Variants in ZSWIM4 observed in about 807,000 individuals in gnomAD.
ZSWIM4 encodes zinc finger SWIM-type containing 4.
Under a neutral mutation model 102.5 loss-of-function variants are expected in ZSWIM4, and 62 were observed. That is an observed-to-expected ratio of 0.60 (90% confidence interval 0.49 to 0.75). The LOEUF (loss-of-function observed/expected upper bound fraction) is 0.75, where lower values mean the gene tolerates loss of function less well. Among genes scored for constraint, ZSWIM4 ranks in the 30% least tolerant of loss-of-function variants. The pLI is 0.00. For synonymous variants in ZSWIM4, 652 were observed against 674.5 expected (o/e 0.97, Z 0.52); for missense variants, 1,280 against 1,529.6 (o/e 0.84, Z 2.72).
In ZSWIM4 at chr19:13,809,141, G is replaced by T. The variant is rs750790151; in HGVS notation, c.933G>T (p.Leu311=). 10 of 1,613,690 alleles carry T rather than the reference G, an allele frequency of 6.2e-6. No individual in the cohort carries two copies. The East Asian group carries it at 2.0e-4, about 32-fold the overall frequency. The change falls in exon 5 of 14, where the codon CTG becomes CTT. Residue 311 remains leucine (L), a synonymous_variant. Coordinates refer to ENST00000590508, the MANE Select transcript of ZSWIM4 (RefSeq NM_001367834.3). This position sits in a 1 kb window ranked among gnomAD's most constrained non-coding sequence, Gnocchi z 4.2. ...RMLILMTEQF[L]QDTRLALWRQ... The stretch of plus-strand genomic sequence containing the variant: ...TGATTCTCATGACCGAGCAGTTCCT[G>T]CAGGACACGCGCCTGGCCCTGTGGC...
rs767209778 is a variant in ZSWIM4, at chr19:13,830,510, C to A, written c.2781C>A (p.Arg927=). ...ACGCCCACCTCTTCACTGTGGCCCG[C>A]TATATGGAGCACCGCGGGCTGCCGC... ...LGHAHLFTVA[R]YMEHRGLPLR... Residue 927 remains arginine (R), a synonymous_variant, in exon 14 of 14, where the codon CGC becomes CGA. Transcript: ENST00000590508. The A allele has an allele frequency of 6.2e-7, 1 of 1,600,136 alleles. No individual in the cohort carries two copies. Among genetic ancestry groups the A allele is most frequent in the East Asian group, 2.2e-5 (1 of 44,856 alleles).
At chr19:13,814,908 G>A in intron 7 of ZSWIM4, 43 bp downstream of exon 7, 1 of 1,145,668 alleles carries the variant, frequency 8.7e-7, no homozygotes. Flanking sequence ...TGTGATCCCA[G>A]CACATTGGGA....
At chr19:13,813,201 C>T in intron 6 of ZSWIM4, 37 bp downstream of exon 6, 1 of 1,538,270 alleles carries the variant, frequency 6.5e-7, no homozygotes, top group Non-Finnish European at 8.9e-7. Flanking sequence ...CCCCCAAAAA[C>T]CATCACCACT....
chr19:13,825,198 C>A lies in ZSWIM4; in HGVS notation c.2216-352C>A, dbSNP rs1010594852. ...GGGATTACAGGCACCCGCCACCATG[C>A]CCAGCTAATTTTTGTAGATGGGGTT... On this transcript the variant is annotated intron_variant, in intron 11 of 13. Coordinates refer to ENST00000590508, the MANE Select transcript of ZSWIM4 (RefSeq NM_001367834.3). The surrounding 1 kb of genome is among the most constrained non-coding windows in gnomAD (Gnocchi z 4.6). Among the ~76,000 whole-genome samples, 4 of 152,074 alleles carry A rather than the reference C, an allele frequency of 2.6e-5. No individual in the cohort carries two copies. The highest frequency in any genetic ancestry group is 4.8e-5 in the African/African-American group (2 of 41,408).
rs111409282 is a variant in ZSWIM4 at position 13,828,770 on chromosome 19, G to A, written c.2461+44G>A. On this transcript the variant is annotated intron_variant, in intron 13 of 13. Coordinates refer to ENST00000590508, the MANE Select transcript of ZSWIM4 (RefSeq NM_001367834.3). ...ACCTGCCACCCACTTCGCTGTTCTG[G>A]TTCTGCAGAGCGCACTGAGAGAACC... 6.3e-5 allele frequency: 99 copies of A among 1,576,050 alleles called. 2 individuals are homozygous for A. In the African/African-American group the frequency reaches 7.0e-4, roughly 11 times the overall value.
In ZSWIM4 at chr19:13,830,352, C is replaced by G. The variant is rs1411062215; in HGVS notation, c.2623C>G (p.Leu875Val). The change falls in exon 14 of 14, where the codon CTG (leucine) becomes GTG (valine). Residue 875 changes from leucine (L) to valine (V), a missense_variant. Transcript: ENST00000590508. Reference sequence around the variant, plus strand: ...GGAGCTCTGGGCCTGCGCCCGCACCCTGGCCTTGCAGTGCGCGATGAAGGA... The same window carrying G: ...GGAGCTCTGGGCCTGCGCCCGCACCGTGGCCTTGCAGTGCGCGATGAAGGA... ...REELWACART[L>V]ALQCAMKDPQ... The G allele has an allele frequency of 1.2e-6, 2 of 1,613,206 alleles. No homozygotes were observed. The highest frequency in any genetic ancestry group is 2.2e-5 in the South Asian group (2 of 91,090).
rs1188494930 is a variant in ZSWIM4 at position 13,800,576 on chromosome 19, A to G, written c.355+655A>G. Among the ~76,000 whole-genome samples, 3 of 132,124 alleles carry G rather than the reference A, an allele frequency of 2.3e-5. No individual in the cohort carries two copies. In the South Asian group the frequency reaches 7.2e-4, roughly 32 times the overall value. The allele number at this position is 132,124 out of a possible 152,430, so 86.7% of individuals were successfully genotyped here. ...CACCGCTCCCGGCCCCATTTTTTGT[A>G]TTTTGTATTTTTAGTAGAGATGGGG... On this transcript the variant is annotated intron_variant, in intron 2 of 13. Coordinates refer to ENST00000590508, the MANE Select transcript of ZSWIM4 (RefSeq NM_001367834.3).
chr19:13,805,142 G>A lies in ZSWIM4; in HGVS notation c.706G>A (p.Val236Met). Residue 236 changes from valine (V) to methionine (M), a missense_variant, in exon 3 of 14, where the codon GTG becomes ATG. Transcript: ENST00000590508. Reference sequence around the variant, plus strand: ...CCTGCTGGGCTCCGAGATCAACTTGGTGAATGGTAAGGGCACCCCGGGGGT... The same window carrying A: ...CCTGCTGGGCTCCGAGATCAACTTGATGAATGGTAAGGGCACCCCGGGGGT... ...ILLLGSEINL[V>M]NGAPDPTAGA... 1.3e-6 allele frequency: 2 copies of A among 1,597,174 alleles called. No individual in the cohort carries two copies. The highest frequency in any genetic ancestry group is 2.2e-5 in the South Asian group (2 of 91,042).
chr19:13,817,583 C>T (rs1205012677), intron 8 of ZSWIM4, 139 bp from the exon 9 acceptor site: 17 of 1,190,928 alleles, frequency 1.4e-5, no homozygotes, highest in Admixed American at 2.8e-5. Flanking sequence ...CGCGCTCCCC[C>T]AACCCCGTGA....
Position 13,814,697 on chromosome 19 carries a change from G to T in ZSWIM4, c.1363G>T (p.Gly455Cys). 2 of 1,287,022 alleles carry T rather than the reference G, an allele frequency of 1.6e-6. No individual in the cohort carries two copies. Among genetic ancestry groups the T allele is most frequent in the Non-Finnish European group, 2.0e-6 (2 of 986,928 alleles). The allele number at this position is 1,287,022 out of a possible 1,614,324, so 79.7% of individuals were successfully genotyped here. Residue 455 changes from glycine (G) to cysteine (C), a missense_variant, in exon 7 of 14, where the codon GGC becomes TGC. Physicochemically the swap from Gly to Cys is radical, Grantham distance 159. Transcript: ENST00000590508. ...GGACAAACCGACTTTCGACCCCCAG[G>T]GCCGCCCACTGTGGCTGGGAGAACC... ...GGDKPTFDPQ[G>C]RPLWLGEPFP...
chr19:13,797,969 G>A (rs1260806520), intron 1 of ZSWIM4, among the ~76,000 whole-genome samples: 1 of 152,196 alleles, frequency 6.6e-6, no homozygotes, highest in Non-Finnish European at 1.5e-5. Context: ...ATCTTATAAT[G>A]TTTTAAGAAA....
intron 3 of ZSWIM4, among the ~76,000 whole-genome samples, 196 bp downstream of exon 3, chr19:13,805,344 T>A (rs1265693142): frequency 2.0e-5 from 3 of 151,894 alleles, no homozygotes; most frequent in Non-Finnish European, 4.4e-5. Flanking sequence ...ACAGGACAGA[T>A]GAGTAGTTGC....
intron 12 of ZSWIM4, 34 bp from the exon 13 acceptor site, chr19:13,828,611 G>A (rs1237053404): frequency 2.5e-6 from 4 of 1,610,922 alleles, no homozygotes; most frequent in Non-Finnish European, 3.4e-6. Context: ...CCAAGACTCA[G>A]GCTAACCCCC....
chr19:13,829,698 C>G lies in ZSWIM4; in HGVS notation c.2462-493C>G, dbSNP rs369360571. Among the ~76,000 whole-genome samples, 72 of 148,974 alleles carry G rather than the reference C, an allele frequency of 4.8e-4. 1 individual carries two copies. The East Asian group carries it at 7.7e-3, about 16-fold the overall frequency. The stretch of plus-strand genomic sequence containing the variant: ...AAACTAGCTGGGCGTGGTGGTGGGC[C>G]CCTGTAGTCCCAGCTACTCAGGAGG... On this transcript the variant is annotated intron_variant, in intron 13 of 13. Coordinates refer to ENST00000590508, the MANE Select transcript of ZSWIM4 (RefSeq NM_001367834.3).
rs1197917346 is a variant in ZSWIM4, at chr19:13,830,565, C to A, written c.2836C>A (p.Leu946Met). The change falls in exon 14 of 14, where the codon CTG becomes ATG. Residue 946 changes from leucine (L) to methionine (M), a missense_variant. By Grantham distance (15) the Leu-to-Met change is conservative. Coordinates refer to ENST00000590508, the MANE Select transcript of ZSWIM4 (RefSeq NM_001367834.3). ...LRAYKLATLA[L>M]AQLSIAFNQD... is the part of the protein sequence containing the mutation. ...GGCCTACAAGCTGGCGACGCTGGCC[C>A]TGGCGCAGCTCAGCATCGCCTTCAA... 1.3e-6 allele frequency: 2 copies of A among 1,599,616 alleles called. No individual in the cohort carries two copies. The highest frequency in any genetic ancestry group is 1.7e-6 in the Non-Finnish European group (2 of 1,179,702).
chr19:13,819,522 G>A (rs1233869369), intron 10 of ZSWIM4, 30 bp downstream of exon 10: 1 of 1,560,604 alleles, frequency 6.4e-7, no homozygotes, highest in Non-Finnish European at 8.7e-7. Flanking sequence ...GCAGTGGCAG[G>A]GGGAGCTGGG....
At chr19:13,818,585 G>A (rs142313133) in intron 9 of ZSWIM4, among the ~76,000 whole-genome samples, 3 of 151,958 alleles carry the variant, frequency 2.0e-5, no homozygotes, top group African/African-American at 7.3e-5. Context: ...TTTATTTTGC[G>A]ACAGTCTTCA....
chr19:13,809,854 C>G lies in ZSWIM4; in HGVS notation c.1012+634C>G, dbSNP rs1975026323. Among the ~76,000 whole-genome samples, 1 of 152,120 alleles carries G rather than the reference C, an allele frequency of 6.6e-6. No individual in the cohort carries two copies. The highest frequency in any genetic ancestry group is 1.5e-5 in the Non-Finnish European group (1 of 68,026). ...GCGCCCAGGCTGAAGTACAGTGGCA[C>G]AGTCACGGCTCACTGTAACTTCAAA... On this transcript the variant is annotated intron_variant, in intron 5 of 13. Coordinates refer to ENST00000590508, the MANE Select transcript of ZSWIM4 (RefSeq NM_001367834.3). This position sits in a 1 kb window ranked among gnomAD's most constrained non-coding sequence, Gnocchi z 4.2.
chr19:13,804,842 G>A lies in ZSWIM4; in HGVS notation c.406G>A (p.Glu136Lys), dbSNP rs377025716. 20 of 1,609,354 alleles carry A rather than the reference G, an allele frequency of 1.2e-5. No individual in the cohort carries two copies. The highest frequency in any genetic ancestry group is 2.2e-5 in the East Asian group (1 of 44,760). Residue 136 changes from glutamate to lysine, a missense_variant, in exon 3 of 14, where the codon GAG becomes AAG. Transcript: ENST00000590508. ...CGAGCCAGGGAGTCCTGGAGAGCCC[G>A]AGCGCCTCTACCATGTCTCCATCAG... ...IREPGSPGEP[E>K]RLYHVSISFD... is the part of the protein sequence containing the mutation.
Sources: gnomAD v4.1 joint callset for allele counts (sites outside exome capture counted in the v4.1 genomes callset) on GRCh38, gnomAD v4.1.1 for gene constraint, Gnocchi (gnomAD v3.1) non-coding constraint, MANE v1.5 for transcripts, NCBI Gene and HGNC (gene_info 2026-07-23, HGNC 2026-07-21) for gene names.